Variants in IPCEF1 observed in about 807,000 individuals in gnomAD.
The protein encoded by IPCEF1 is interaction protein for cytohesin exchange factors 1, also known as interactor protein for cytohesin exchange factors 1.
A neutral mutation model predicts 50.9 loss-of-function variants in IPCEF1; 31 were observed. The ratio of observed to expected loss-of-function variants is 0.61; its 90% CI spans 0.46 to 0.82. The LOEUF is 0.82. Ranked by LOEUF, IPCEF1 falls within the 40% of genes least tolerant of loss-of-function variation. The pLI, the probability that IPCEF1 is intolerant of heterozygous loss-of-function variation, is 0.00. For missense variants in IPCEF1, 458 were observed against 514.0 expected (o/e 0.89, Z 1.05); for synonymous variants, 181 against 192.0 (o/e 0.94, Z 0.47).
intron 3 of IPCEF1, among the ~76,000 whole-genome samples, chr6:154,256,536 C>T (rs1185550987): frequency 5.3e-5 from 6 of 113,790 alleles, no homozygotes; most frequent in African/African-American, 1.1e-4. Flanking sequence ...TCTCTGTCTC[C>T]GTCTCTCTCT....
chr6:154,230,069 C>T (rs1779603246), intron 5 of IPCEF1, among the ~76,000 whole-genome samples: 1 of 152,016 alleles, frequency 6.6e-6, no homozygotes, highest in Admixed American at 6.5e-5. Context: ...GGGGTGGGAA[C>T]TGACTGTAAA....
intron 2 of IPCEF1, among the ~76,000 whole-genome samples, chr6:154,269,609 T>C (rs1353615142): frequency 6.6e-6 from 1 of 152,206 alleles, no homozygotes; most frequent in Non-Finnish European, 1.5e-5. Context: ...GCATTGCGAT[T>C]ACATGAGTGA....
intron 2 of IPCEF1, among the ~76,000 whole-genome samples, chr6:154,276,218 A>G (rs1425947191): frequency 1.3e-5 from 2 of 151,346 alleles, no homozygotes; most frequent in African/African-American, 4.9e-5. Flanking sequence ...AGAGAGAGAG[A>G]GAGAAAAGGA....
intron 5 of IPCEF1, among the ~76,000 whole-genome samples, chr6:154,236,137 C>A (rs966602374): frequency 3.9e-5 from 6 of 152,068 alleles, no homozygotes; most frequent in Non-Finnish European, 8.8e-5. Context: ...AAGGTAGAAG[C>A]GACCCAAGTG....
At chr6:154,306,290 A>T (rs1295344143) in intron 1 of IPCEF1, among the ~76,000 whole-genome samples, 1 of 152,206 alleles carries the variant, frequency 6.6e-6, no homozygotes, top group Non-Finnish European at 1.5e-5. Context: ...CTTTAAAAAT[A>T]TAAACTTTCA....
chr6:154,345,294 T>A (rs1784006238), intron 1 of IPCEF1, among the ~76,000 whole-genome samples: 1 of 152,318 alleles, frequency 6.6e-6, no homozygotes, highest in Non-Finnish European at 1.5e-5. Context: ...ACAGAGAAAA[T>A]TTACACAAAT....
intron 3 of IPCEF1, among the ~76,000 whole-genome samples, chr6:154,259,935 A>C (rs565730901): frequency 6.6e-6 from 1 of 152,320 alleles, no homozygotes; most frequent in Admixed American, 6.5e-5. Context: ...GCAAAGTTTC[A>C]GCTTTTTTTA....
chr6:154,328,938 T>C (rs1303064091), intron 1 of IPCEF1, among the ~76,000 whole-genome samples: 1 of 152,214 alleles, frequency 6.6e-6, no homozygotes, highest in African/African-American at 2.4e-5. Context: ...ATTAATGTCA[T>C]ATGAAGTGAT....
intron 1 of IPCEF1, among the ~76,000 whole-genome samples, chr6:154,332,854 A>T (rs1783704254): frequency 6.6e-6 from 1 of 152,200 alleles, no homozygotes; most frequent in Non-Finnish European, 1.5e-5. Flanking sequence ...GTCAGTAAAA[A>T]TATGTGTGAT....
chr6:154,194,572 G>T (rs565333932), intron 10 of IPCEF1, among the ~76,000 whole-genome samples: 2 of 151,934 alleles, frequency 1.3e-5, no homozygotes, highest in Admixed American at 1.3e-4. Context: ...CTAAGCTTAC[G>T]TACCTCCAAA....
intron 5 of IPCEF1, among the ~76,000 whole-genome samples, chr6:154,229,636 G>A (rs1319587985): frequency 6.6e-6 from 1 of 152,032 alleles, no homozygotes; most frequent in Non-Finnish European, 1.5e-5. Flanking sequence ...GATTACAGGC[G>A]TGAGCCACCG....
intron 1 of IPCEF1, among the ~76,000 whole-genome samples, chr6:154,296,582 C>CCTGT (rs2128672232): frequency 6.6e-6 from 1 of 152,216 alleles, no homozygotes; most frequent in South Asian, 2.1e-4. Context: ...GTAATCCCAG[C>CCTGT]ACTTTGGGAG....
intron 4 of IPCEF1, chr6:154,246,997 A>AACATT (rs1781104411): frequency 8.3e-6 from 4 of 484,454 alleles, no homozygotes; most frequent in African/African-American, 7.8e-5. Context: ...CATGCTTAGA[A>AACATT]GGTATAAGAT....
chr6:154,331,361 A>AG (rs1783656204), intron 1 of IPCEF1, among the ~76,000 whole-genome samples: 1 of 130,802 alleles, frequency 7.6e-6, no homozygotes, highest in African/African-American at 3.2e-5. Flanking sequence ...GGAAAGAGAA[A>AG]GAAAGAAAGG....
intron 1 of IPCEF1, among the ~76,000 whole-genome samples, chr6:154,329,702 T>C (rs1783612915): frequency 6.6e-6 from 1 of 152,146 alleles, no homozygotes; most frequent in Admixed American, 6.5e-5. Context: ...CCTAGATTCG[T>C]CATGCAAAAA....
At chr6:154,164,265 C>T (rs1445939064) in intron 11 of IPCEF1, among the ~76,000 whole-genome samples, 1 of 152,122 alleles carries the variant, frequency 6.6e-6, no homozygotes, top group Non-Finnish European at 1.5e-5. Context: ...ATTTTTAGAA[C>T]AGGGTCTCTT....
intron 11 of IPCEF1, among the ~76,000 whole-genome samples, chr6:154,164,781 T>C (rs906219649): frequency 1.3e-5 from 2 of 152,154 alleles, no homozygotes; most frequent in Non-Finnish European, 2.9e-5. Context: ...CCATTAATCA[T>C]TCCATTAATA....
At chr6:154,193,821 ATGACAATACTCCCTATTTTTTTCT>A (rs1358313334) in intron 10 of IPCEF1, among the ~76,000 whole-genome samples, 1 of 152,216 alleles carries the variant, frequency 6.6e-6, no homozygotes, top group Non-Finnish European at 1.5e-5. Context: ...AGCATCAAAC[ATGACAATACTCCCTATTTTTTTCT>A]TCCAATGCTG....
intron 1 of IPCEF1, among the ~76,000 whole-genome samples, chr6:154,313,124 C>G (rs1050519610): frequency 9.5e-5 from 14 of 146,690 alleles, no homozygotes; most frequent in African/African-American, 3.5e-4. Flanking sequence ...GTAATCCCAG[C>G]ATTTTGGGAG....
Sources: gnomAD v4.1 joint callset for allele counts (sites outside exome capture counted in the v4.1 genomes callset) on GRCh38, gnomAD v4.1.1 for gene constraint, MANE v1.5 for transcripts, NCBI Gene and HGNC (gene_info 2026-07-23, HGNC 2026-07-21) for gene names.